The following TMED2 variants were observed in gnomAD, a reference collection of about 807,000 sequenced individuals.
The protein encoded by TMED2 is transmembrane emp24 domain-containing protein 2.
Under a neutral mutation model 17.5 loss-of-function variants are expected in TMED2, and 3 were observed. That is an observed-to-expected ratio of 0.17 (90% CI 0.08 to 0.44). The LOEUF is 0.44. TMED2 is among the 20% of genes least tolerant of loss of function. The probability of loss-of-function intolerance (pLI) is 0.99; values close to 1 mark genes in which losing one functional copy is unlikely to be tolerated. For synonymous variants in TMED2, 95 were observed against 91.0 expected (o/e 1.04, Z -0.25); for missense variants, 149 against 254.8 (o/e 0.58, Z 2.83).
intron 3 of TMED2, among the ~76,000 whole-genome samples, chr12:123,593,049 C>T (rs1257428255): frequency 1.3e-5 from 2 of 152,248 alleles, no homozygotes; most frequent in East Asian, 3.9e-4. Context: ...GGTGAAACCC[C>T]ATCTCTACTA....
chr12:123,595,381 G>T (rs1302604845), intron 3 of TMED2, among the ~76,000 whole-genome samples: 1 of 152,138 alleles, frequency 6.6e-6, no homozygotes, highest in African/African-American at 2.4e-5. Context: ...GTATTTGATG[G>T]TCTGGTAGTA....
chr12:123,590,988 A>G (rs1025874441), intron 3 of TMED2, among the ~76,000 whole-genome samples: 1 of 145,368 alleles, frequency 6.9e-6, no homozygotes, highest in African/African-American at 2.6e-5. Flanking sequence ...GTCTCAGGGA[A>G]AAAAAAAAAA....
chr12:123,590,330 A>T lies in TMED2; in HGVS notation c.374-12A>T. On this transcript the variant is annotated splice_polypyrimidine_tract_variant and intron_variant, in intron 2 of 3. Transcript: ENST00000262225. ...ATTGACAAATGTGTTTTGTTTTCAAATCCTTCTATAGCTCACCAGAACAAG... is the reference window on the plus strand; with the variant it reads ...ATTGACAAATGTGTTTTGTTTTCAATTCCTTCTATAGCTCACCAGAACAAG... The T allele has an allele frequency of 6.3e-7, 1 of 1,575,498 alleles. No individual in the cohort carries two copies. Among genetic ancestry groups the T allele is most frequent in the African/African-American group, 1.4e-5 (1 of 72,488 alleles).
chr12:123,585,386 C>G (rs777589787), intron 1 of TMED2, among the ~76,000 whole-genome samples: 5 of 152,202 alleles, frequency 3.3e-5, no homozygotes, highest in Non-Finnish European at 7.3e-5. Context: ...CGTTTAGTCT[C>G]TTCTGCCAAG....
Position 123,597,235 on chromosome 12 carries a change from T to A in TMED2, c.*506T>A, listed in dbSNP as rs2135665897. 1.3e-5 allele frequency: 2 copies of A among 152,382 alleles called. No individual in the cohort carries two copies. The highest frequency in any genetic ancestry group is 4.1e-4 in the South Asian group (2 of 4,832). The allele number at this position is 152,382 out of a possible 1,614,324, so 9.4% of individuals were successfully genotyped here. A position where few individuals can be genotyped will look rare whatever the true frequency, so the allele number is the denominator to read the frequency against. ...ATGGCAGAGCTCTCTGACTTGGGTG[T>A]ATGCTGCCAGGCTGGGTACTTTCAT... is the stretch of plus-strand genomic sequence containing the variant. On this transcript the variant is annotated 3_prime_UTR_variant, in exon 4 of 4. Transcript: ENST00000262225.
At chr12:123,585,850 G>A (rs921230297) in intron 1 of TMED2, 10 of 152,158 alleles carry the variant, frequency 6.6e-5, no homozygotes, top group African/African-American at 2.4e-4. Flanking sequence ...AAGCCTTCAG[G>A]CATCTCAGAT....
intron 2 of TMED2, among the ~76,000 whole-genome samples, chr12:123,588,702 A>G (rs1050151690): frequency 1.3e-5 from 2 of 152,184 alleles, no homozygotes; most frequent in Non-Finnish European, 2.9e-5. Context: ...GGTATTTTTT[A>G]TTCGGAAGAC....
At position 123,596,777 on chromosome 12, in the gene TMED2, C is replaced by T. The variant is rs1953434034; in HGVS notation, c.*48C>T. On this transcript the variant is annotated 3_prime_UTR_variant, in exon 4 of 4. Transcript: ENST00000262225. The stretch of plus-strand genomic sequence containing the variant: ...AACTCAGAATTCACTGTTTACCAAA[C>T]ACCTTGGTCATAATAATGTCATTAG... The T allele has an allele frequency of 3.9e-6, 6 of 1,532,870 alleles. No homozygotes were observed. Among genetic ancestry groups the T allele is most frequent in the Non-Finnish European group, 3.5e-6 (4 of 1,141,550 alleles). 95.0% of individuals were successfully genotyped at this position (1,532,870 alleles called of 1,614,324 possible). A position where few individuals can be genotyped will look rare whatever the true frequency, so the allele number is the denominator to read the frequency against.
At chr12:123,585,031 TG>T (rs942486714) in intron 1 of TMED2, 4 of 574,164 alleles carry the variant, frequency 7.0e-6, no homozygotes, top group African/African-American at 5.7e-5. Flanking sequence ...CGGGATCCCT[TG>T]GGGGCTCCTT....
chr12:123,595,725 A>G (rs1255325280), intron 3 of TMED2, among the ~76,000 whole-genome samples: 1 of 152,044 alleles, frequency 6.6e-6, no homozygotes, highest in Non-Finnish European at 1.5e-5. Flanking sequence ...TACAAGCAGA[A>G]TGGACTTGGC....
At chr12:123,589,064 G>T (rs918920187) in intron 2 of TMED2, among the ~76,000 whole-genome samples, 3 of 152,126 alleles carry the variant, frequency 2.0e-5, no homozygotes, top group African/African-American at 7.2e-5. Context: ...TCCTGGTGCT[G>T]TTTCTCTCCT....
At chr12:123,589,980 G>A (rs1276698854) in intron 2 of TMED2, among the ~76,000 whole-genome samples, 1 of 145,816 alleles carries the variant, frequency 6.9e-6, no homozygotes, top group Non-Finnish European at 1.5e-5. Context: ...GTGAGATCCT[G>A]TCTTGAAAAA....
chr12:123,594,358 T>C (rs1441504094), intron 3 of TMED2, among the ~76,000 whole-genome samples: 1 of 151,598 alleles, frequency 6.6e-6, no homozygotes, highest in Non-Finnish European at 1.5e-5. Context: ...ATGGTCTCGA[T>C]CTCCTGACCT....
Position 123,596,739 on chromosome 12 carries a change from T to C in TMED2, c.*10T>C, listed in dbSNP as rs769535573. Reference sequence around the variant, plus strand: ...CCGGAGAGTTGTTTAAAAAGCCTCTTCCTGATGATCCCAACTCAGAATTCA... The same window carrying C: ...CCGGAGAGTTGTTTAAAAAGCCTCTCCCTGATGATCCCAACTCAGAATTCA... On this transcript the variant is annotated 3_prime_UTR_variant, in exon 4 of 4. Coordinates refer to ENST00000262225, the MANE Select transcript of TMED2 (RefSeq NM_006815.4). 1 of 1,597,136 alleles carries C rather than the reference T, an allele frequency of 6.3e-7. No homozygotes were observed. The highest frequency in any genetic ancestry group is 8.5e-7 in the Non-Finnish European group (1 of 1,173,916).
intron 2 of TMED2, among the ~76,000 whole-genome samples, chr12:123,589,282 G>A (rs1283852278): frequency 6.6e-6 from 1 of 152,138 alleles, no homozygotes; most frequent in African/African-American, 2.4e-5. Context: ...GAGTTGGTGT[G>A]GATTTTCCTA....
At chr12:123,593,273 G>A (rs1481592267) in intron 3 of TMED2, among the ~76,000 whole-genome samples, 2 of 150,820 alleles carry the variant, frequency 1.3e-5, no homozygotes, top group African/African-American at 4.9e-5. Context: ...TTTTTTTTTA[G>A]ACGGAGTCTT....
intron 2 of TMED2, 57 bp downstream of exon 2, chr12:123,586,996 T>C: frequency 4.1e-6 from 6 of 1,455,564 alleles, no homozygotes; most frequent in Non-Finnish European, 5.5e-6. Flanking sequence ...TTTAGTTCTA[T>C]ACATTTTTAC....
chr12:123,591,946 C>T (rs958571773), intron 3 of TMED2, among the ~76,000 whole-genome samples: 1 of 152,326 alleles, frequency 6.6e-6, no homozygotes, highest in African/African-American at 2.4e-5. Flanking sequence ...TGAAGAGTGA[C>T]TCAAAGAGAT....
At chr12:123,585,910 G>A (rs573120954) in intron 1 of TMED2, 2 of 152,264 alleles carry the variant, frequency 1.3e-5, no homozygotes, top group South Asian at 4.1e-4. Flanking sequence ...ACCTTGAAAT[G>A]TGATAAAAAT....
Sources: allele counts gnomAD v4.1 joint callset (sites outside exome capture counted in the v4.1 genomes callset), GRCh38; gene constraint gnomAD v4.1.1; transcripts MANE v1.5; gene names NCBI Gene and HGNC (gene_info 2026-07-23, HGNC 2026-07-21).